The following KCNH5 variants were observed in gnomAD, a reference collection of about 807,000 sequenced individuals.
KCNH5 encodes potassium voltage-gated channel subfamily H member 5.
Under a neutral mutation model 96.1 loss-of-function variants are expected in KCNH5, and 46 were observed. That is an observed-to-expected ratio of 0.48 (90% CI 0.38 to 0.61). The LOEUF (loss-of-function observed/expected upper bound fraction) is 0.61, where lower values mean the gene tolerates loss of function less well. Ranked by LOEUF, KCNH5 falls within the 20% of genes least tolerant of loss-of-function variation. The pLI, the probability that KCNH5 is intolerant of heterozygous loss-of-function variation, is 0.00. For synonymous variants in KCNH5, 439 were observed against 449.8 expected, an observed-to-expected ratio of 0.98 and a Z score of 0.30; for missense variants, 907 against 1,225.8, an observed-to-expected ratio of 0.74 and a Z score of 3.88.
chr14:62,901,749 T>G (rs961752890), intron 7 of KCNH5, among the ~76,000 whole-genome samples: 1 of 152,230 alleles, frequency 6.6e-6, no homozygotes, highest in Non-Finnish European at 1.5e-5. Flanking sequence ...TACCCAGTAA[T>G]GGGATTGCTG....
intron 1 of KCNH5, among the ~76,000 whole-genome samples, chr14:63,017,351 A>T (rs1178823525): frequency 6.6e-6 from 1 of 151,942 alleles, no homozygotes; most frequent in Non-Finnish European, 1.5e-5. Flanking sequence ...TGAAGTTGAT[A>T]ATAAAAGAAA....
At chr14:62,752,052 C>T (rs992955364) in intron 10 of KCNH5, among the ~76,000 whole-genome samples, 1 of 152,156 alleles carries the variant, frequency 6.6e-6, no homozygotes, top group African/African-American at 2.4e-5. Context: ...TGCATACATT[C>T]CTTCATCCCT....
intron 8 of KCNH5, among the ~76,000 whole-genome samples, chr14:62,830,782 G>T (rs1406559133): frequency 1.3e-5 from 2 of 152,122 alleles, no homozygotes; most frequent in African/African-American, 4.8e-5. Flanking sequence ...GTTAGGTCAA[G>T]GGAGGATGCA....
chr14:62,815,790 T>A (rs1274775616), intron 8 of KCNH5, among the ~76,000 whole-genome samples: 2 of 152,000 alleles, frequency 1.3e-5, no homozygotes, highest in African/African-American at 2.4e-5. Flanking sequence ...AAGTTGATGT[T>A]TAAATCTACC....
At chr14:62,744,648 C>A (rs1004031245) in intron 10 of KCNH5, among the ~76,000 whole-genome samples, 1 of 152,040 alleles carries the variant, frequency 6.6e-6, no homozygotes, top group African/African-American at 2.4e-5. Flanking sequence ...GAAGTATAAC[C>A]ACATAAGTTT....
At chr14:62,708,836 G>A (rs1884501973) in intron 10 of KCNH5, among the ~76,000 whole-genome samples, 1 of 152,062 alleles carries the variant, frequency 6.6e-6, no homozygotes, top group South Asian at 2.1e-4. Flanking sequence ...ATGTATATAT[G>A]TGTATACATA....
intron 8 of KCNH5, among the ~76,000 whole-genome samples, chr14:62,848,858 C>T (rs965756610): frequency 3.9e-5 from 6 of 152,138 alleles, no homozygotes; most frequent in African/African-American, 9.7e-5. Context: ...AAAGAATAGT[C>T]TCCAATGATG....
At chr14:62,934,336 G>A (rs971709464) in intron 7 of KCNH5, among the ~76,000 whole-genome samples, 7 of 152,088 alleles carry the variant, frequency 4.6e-5, no homozygotes, top group African/African-American at 1.4e-4. Context: ...AATGATATTT[G>A]TGCTTCTCAT....
chr14:62,967,996 T>A (rs28475257), intron 6 of KCNH5, among the ~76,000 whole-genome samples: 58,356 of 152,014 alleles, frequency 0.38, 11,655 homozygotes, highest in African/African-American at 0.47. Context: ...GTTATTTCCT[T>A]TCCTCTCAAA....
intron 7 of KCNH5, among the ~76,000 whole-genome samples, chr14:62,880,555 A>G (rs1332133517): frequency 6.6e-6 from 1 of 152,212 alleles, no homozygotes; most frequent in African/African-American, 2.4e-5. Context: ...CGCCAAAAAA[A>G]CAATTATTGA....
intron 10 of KCNH5, among the ~76,000 whole-genome samples, chr14:62,761,952 A>G (rs1045757590): frequency 2.6e-5 from 4 of 152,136 alleles, no homozygotes; most frequent in Non-Finnish European, 5.9e-5. Context: ...AAGCACCAGT[A>G]CTCATTCTTG....
At chr14:62,861,478 G>A (rs1373199458) in intron 7 of KCNH5, among the ~76,000 whole-genome samples, 1 of 151,970 alleles carries the variant, frequency 6.6e-6, no homozygotes, top group Admixed American at 6.6e-5. Context: ...TCCCAGGCTG[G>A]AAAACTGCTA....
intron 3 of KCNH5, among the ~76,000 whole-genome samples, chr14:63,003,412 T>A (rs1226459689): frequency 1.5e-5 from 2 of 134,924 alleles, no homozygotes; most frequent in African/African-American, 2.7e-5. Flanking sequence ...GGCTATCAGT[T>A]CTGCATTTGA....
intron 1 of KCNH5, among the ~76,000 whole-genome samples, chr14:63,042,056 AC>A (rs1250640910): frequency 2.6e-5 from 4 of 152,070 alleles, no homozygotes; most frequent in Non-Finnish European, 2.9e-5. Context: ...CATTGGTGAT[AC>A]CCATGGACAA....
chr14:63,002,846 AG>A (rs2139592786), intron 3 of KCNH5, among the ~76,000 whole-genome samples: 1 of 152,286 alleles, frequency 6.6e-6, no homozygotes, highest in African/African-American at 2.4e-5. Flanking sequence ...AGAATGAGAC[AG>A]GGACCTCAAA....
intron 7 of KCNH5, among the ~76,000 whole-genome samples, chr14:62,859,530 A>G (rs559761734): frequency 3.7e-4 from 56 of 152,344 alleles, no homozygotes; most frequent in African/African-American, 1.3e-3. Flanking sequence ...TGACCACTCA[A>G]AAAAGTCCAT....
chr14:62,740,772 T>C (rs1347445617), intron 10 of KCNH5, among the ~76,000 whole-genome samples: 2 of 152,134 alleles, frequency 1.3e-5, no homozygotes, highest in Non-Finnish European at 2.9e-5. Context: ...GAAATCACTT[T>C]TGGATAGTAC....
chr14:62,787,871 A>G (rs963362784), intron 9 of KCNH5, among the ~76,000 whole-genome samples: 1 of 152,220 alleles, frequency 6.6e-6, no homozygotes, highest in Non-Finnish European at 1.5e-5. Flanking sequence ...AAAAAGATTC[A>G]TTTGAAAATA....
chr14:62,731,228 G>A (rs1261611009), intron 10 of KCNH5, among the ~76,000 whole-genome samples: 2 of 151,982 alleles, frequency 1.3e-5, no homozygotes, highest in Non-Finnish European at 2.9e-5. Context: ...TTGAACCTGG[G>A]AGGCAGAGGT....
Sources: allele counts gnomAD v4.1 joint callset (sites outside exome capture counted in the v4.1 genomes callset), GRCh38; gene constraint gnomAD v4.1.1; transcripts MANE v1.5; gene names NCBI Gene and HGNC (gene_info 2026-07-23, HGNC 2026-07-21).